The following PDXK variants were observed in gnomAD, a reference collection of about 807,000 sequenced individuals.
PDXK encodes the protein pyridoxal kinase.
Under a neutral mutation model 43.2 loss-of-function variants are expected in PDXK, and 15 were observed. The ratio of observed to expected loss-of-function variants is 0.35; its 90% CI spans 0.23 to 0.53. The LOEUF (loss-of-function observed/expected upper bound fraction) is 0.53. Ranked by LOEUF, PDXK falls within the 20% of genes least tolerant of loss-of-function variation. PDXK has a pLI of 0.92. For missense variants in PDXK, 343 were observed against 417.0 expected, an observed-to-expected ratio of 0.82 and a Z score of 1.54; for synonymous variants, 172 against 165.4, an observed-to-expected ratio of 1.04 and a Z score of -0.31.
intron 5 of PDXK, among the ~76,000 whole-genome samples, chr21:43,746,337 G>C (rs901798731): frequency 6.6e-6 from 1 of 152,184 alleles, no homozygotes; most frequent in African/African-American, 2.4e-5. Context: ...TTTGCCGGCC[G>C]CACAGCCTTG....
chr21:43,748,901 G>T, intron 5 of PDXK, 94 bp from the exon 6 acceptor site: 1 of 741,788 alleles, frequency 1.3e-6, no homozygotes, highest in Non-Finnish European at 2.3e-6. Flanking sequence ...GGGGGCTTTT[G>T]GGGGAGCACT....
chr21:43,741,831 T>C, intron 3 of PDXK, 60 bp downstream of exon 3: 2 of 1,176,918 alleles, frequency 1.7e-6, no homozygotes, highest in Non-Finnish European at 2.5e-6. Context: ...CAGGGTGGGC[T>C]CAGGGAGGTC....
intron 6 of PDXK, 104 bp from the exon 7 acceptor site, chr21:43,750,396 G>T (rs1388969266): frequency 2.8e-5 from 28 of 1,002,170 alleles, no homozygotes; most frequent in Non-Finnish European, 3.8e-5. Flanking sequence ...CTGCCTGTGG[G>T]GATGGGGATT....
Position 43,750,858 on chromosome 21 carries a change from A to G in PDXK, c.510+313A>G, listed in dbSNP as rs186463436. The stretch of plus-strand genomic sequence containing the variant: ...TGCACGTGTGTGTGTGCACATGTGC[A>G]TGTGCGTCTGTGTGCATGTGTGTCC... On this transcript the variant is annotated intron_variant, in intron 7 of 10. Transcript: ENST00000291565. 5.2e-3 allele frequency among the ~76,000 whole-genome samples: 780 copies of G among 148,802 alleles called. 9 individuals are homozygous for G. The highest frequency in any genetic ancestry group is 0.019 in the African/African-American group (751 of 39,972).
At position 43,743,852 on chromosome 21, in the gene PDXK, G is replaced by A. The variant is rs368545513; in HGVS notation, c.331+45G>A. 4.0e-5 allele frequency: 56 copies of A among 1,412,760 alleles called. No individual in the cohort carries two copies. Among genetic ancestry groups the A allele is most frequent in the Admixed American group, 1.8e-4 (10 of 57,056 alleles). The allele number at this position is 1,412,760 out of a possible 1,614,324, so 87.5% of individuals were successfully genotyped here. A position where few individuals can be genotyped will look rare whatever the true frequency, so the allele number is the denominator to read the frequency against. On this transcript the variant is annotated intron_variant, in intron 4 of 10. Transcript: ENST00000291565. ...CGGGTCTGGCTGTGTGGCCCCACAC[G>A]GGTGGGGCTGGCCTGGGAGCCCGGG...
intron 5 of PDXK, among the ~76,000 whole-genome samples, chr21:43,746,962 G>A (rs969098177): frequency 1.3e-5 from 2 of 151,922 alleles, no homozygotes; most frequent in South Asian, 2.1e-4. Context: ...GCAAAACCCC[G>A]CCATCTCTAA....
chr21:43,724,679 A>G (rs1356445472), intron 1 of PDXK, among the ~76,000 whole-genome samples: 2 of 145,558 alleles, frequency 1.4e-5, no homozygotes, highest in Admixed American at 1.4e-4. Context: ...CCAGCTCTAC[A>G]AGAAAAAAAA....
Position 43,754,364 on chromosome 21 carries a change from G to T in PDXK, c.759+645G>T, listed in dbSNP as rs997155972. ...ATGTGGGGTCTCGTGAGCCTTTCTC[G>T]TGTGTCCCATGGGTAAGCACACAGC... On this transcript the variant is annotated intron_variant, in intron 9 of 10. Coordinates refer to ENST00000291565, the MANE Select transcript of PDXK (RefSeq NM_003681.5). The surrounding 1 kb of genome is among the most constrained non-coding windows in gnomAD (Gnocchi z 5.5). Among the ~76,000 whole-genome samples, 2 of 152,186 alleles carry T rather than the reference G, an allele frequency of 1.3e-5. No homozygotes were observed. Among genetic ancestry groups the T allele is most frequent in the Non-Finnish European group, 2.9e-5 (2 of 68,010 alleles).
intron 8 of PDXK, among the ~76,000 whole-genome samples, chr21:43,753,237 CGGACACACATGCATACACGT>C (rs1213984256): frequency 6.6e-6 from 1 of 152,160 alleles, no homozygotes; most frequent in African/African-American, 2.4e-5. Flanking sequence ...TGCATACACA[CGGACACACATGCATACACGT>C]GGGCACACGC....
In PDXK at chr21:43,760,494, T is replaced by C. The variant is rs892459132; in HGVS notation, c.*4431T>C. The stretch of plus-strand genomic sequence containing the variant: ...ACCCGGCGGAATCTTGGAATTTTTA[T>C]AGACAGCACCTCAGTTTCTGACTCC... On this transcript the variant is annotated 3_prime_UTR_variant, in exon 11 of 11. Transcript: ENST00000291565. The C allele has an allele frequency of 2.0e-5, 3 of 152,258 alleles. No individual in the cohort carries two copies. The highest frequency in any genetic ancestry group is 2.0e-4 in the Admixed American group (3 of 15,280). 9.4% of individuals were successfully genotyped at this position (152,258 alleles called of 1,614,324 possible).
chr21:43,733,581 G>A, intron 1 of PDXK: 2 of 963,596 alleles, frequency 2.1e-6, no homozygotes, highest in Non-Finnish European at 2.5e-6. Context: ...CTCTCACTCA[G>A]GCTTTTGAGG....
Position 43,743,717 on chromosome 21 carries a change from C to T in PDXK, c.248-7C>T. The stretch of plus-strand genomic sequence containing the variant: ...TTCTGAGGGTGACCTGGATTCTCCC[C>T]CTAAAGGTTATACGAGGGACAAGTC... On this transcript the variant is annotated splice_region_variant and splice_polypyrimidine_tract_variant and intron_variant, in intron 3 of 10. Transcript: ENST00000291565. 1.2e-6 allele frequency: 2 copies of T among 1,604,868 alleles called. No individual in the cohort carries two copies. The highest frequency in any genetic ancestry group is 1.7e-6 in the Non-Finnish European group (2 of 1,171,772).
Position 43,728,717 on chromosome 21 carries a change from C to T in PDXK, c.88-5352C>T, listed in dbSNP as rs113953812. 2,268 of 985,602 alleles carry T rather than the reference C, an allele frequency of 2.3e-3. 42 individuals are homozygous for T. The African/African-American group carries it at 0.037, about 16-fold the overall frequency. 61.1% of individuals were successfully genotyped at this position (985,602 alleles called of 1,614,324 possible). ...ACGTGGGCAGGAGGAGGGCTGCTCACACCACCGGCCGAGGGAGGAGGACTG... is the reference window on the plus strand; with the variant it reads ...ACGTGGGCAGGAGGAGGGCTGCTCATACCACCGGCCGAGGGAGGAGGACTG... On this transcript the variant is annotated intron_variant, in intron 1 of 10. Coordinates refer to ENST00000291565, the MANE Select transcript of PDXK (RefSeq NM_003681.5).
rs567149331 is a variant in PDXK at position 43,741,926 on chromosome 21, G to A, written c.247+155G>A. On this transcript the variant is annotated intron_variant, in intron 3 of 10. Transcript: ENST00000291565. The stretch of plus-strand genomic sequence containing the variant: ...GTGCCCAAGCCACCATCACACCCCC[G>A]GTAGCCTGGGGGGTCCTGGCCACAC... 3.9e-5 allele frequency among the ~76,000 whole-genome samples: 6 copies of A among 152,184 alleles called. No individual in the cohort carries two copies. In the South Asian group the frequency reaches 6.2e-4, roughly 16 times the overall value.
intron 1 of PDXK, chr21:43,728,690 G>A: frequency 1.0e-6 from 1 of 984,844 alleles, no homozygotes; most frequent in Non-Finnish European, 1.2e-6. Flanking sequence ...AGCCACTCCC[G>A]CACGTGGGCA....
chr21:43,736,941 T>G, intron 2 of PDXK: 1 of 701,800 alleles, frequency 1.4e-6, no homozygotes, highest in Non-Finnish European at 2.6e-6. Flanking sequence ...GTCTTTTCTT[T>G]TTTCTTTTTT....
Position 43,719,385 on chromosome 21 carries a change from C to G in PDXK, c.87+4C>G. The G allele has an allele frequency of 6.6e-7, 1 of 1,519,428 alleles. No homozygotes were observed. The highest frequency in any genetic ancestry group is 8.8e-7 in the Non-Finnish European group (1 of 1,134,020). The allele number at this position is 1,519,428 out of a possible 1,614,324, so 94.1% of individuals were successfully genotyped here. A position where few individuals can be genotyped will look rare whatever the true frequency, so the allele number is the denominator to read the frequency against. ...GGCGGCCACGTTCCCGCTGCAGGTA[C>G]GCATCCGCCCGCAGCCCGGGCTTAC... On this transcript the variant is annotated splice_donor_region_variant and intron_variant, in intron 1 of 10. Coordinates refer to ENST00000291565, the MANE Select transcript of PDXK (RefSeq NM_003681.5).
intron 4 of PDXK, chr21:43,745,694 A>T: frequency 5.1e-6 from 1 of 196,220 alleles, no homozygotes; most frequent in Admixed American, 5.3e-5. Context: ...TGGCAGCTTA[A>T]AAAACAAGAA....
rs114177111 is a variant in PDXK, at chr21:43,736,410, G to A, written c.142+2287G>A. The stretch of plus-strand genomic sequence containing the variant: ...GCTCACGCCCTGTGTGACCGGCCAC[G>A]TGAGCCCAGCCACAAGCAGCCGTGC... On this transcript the variant is annotated intron_variant, in intron 2 of 10. Transcript: ENST00000291565. Among the ~76,000 whole-genome samples the A allele has an allele frequency of 4.6e-3, 693 of 152,224 alleles. 9 individuals carry two copies. The highest frequency in any genetic ancestry group is 0.015 in the African/African-American group (639 of 41,526).
Sources: gnomAD v4.1 joint callset for allele counts (sites outside exome capture counted in the v4.1 genomes callset) on GRCh38, gnomAD v4.1.1 for gene constraint, Gnocchi (gnomAD v3.1) non-coding constraint, MANE v1.5 for transcripts, NCBI Gene and HGNC (gene_info 2026-07-23, HGNC 2026-07-21) for gene names.